The following CNTNAP2 variants were observed in gnomAD, a reference collection of about 807,000 sequenced individuals.
The protein encoded by CNTNAP2 is contactin associated protein 2.
In CNTNAP2, 98 loss-of-function variants were observed where a neutral mutation model predicts 155.2. That is an observed-to-expected ratio of 0.63 (90% CI 0.54 to 0.75). CNTNAP2 has a LOEUF of 0.75. Ranked by LOEUF, CNTNAP2 falls within the 30% of genes least tolerant of loss-of-function variation. CNTNAP2 has a pLI of 0.00. For missense variants in CNTNAP2, 1,727 were observed against 1,688.1 expected (o/e 1.02, Z -0.40); for synonymous variants, 651 against 631.2 (o/e 1.03, Z -0.47).
chr7:147,718,848 G>C (rs1796521194), intron 13 of CNTNAP2, among the ~76,000 whole-genome samples: 1 of 152,074 alleles, frequency 6.6e-6, no homozygotes, highest in South Asian at 2.1e-4. Context: ...ACATATGCTT[G>C]TTAACACATG....
intron 8 of CNTNAP2, among the ~76,000 whole-genome samples, chr7:147,269,897 T>A (rs1377586436): frequency 6.6e-6 from 1 of 152,152 alleles, no homozygotes; most frequent in African/African-American, 2.4e-5. Context: ...CTAAAAAATA[T>A]TTTTAAATTA....
Position 148,006,319 on chromosome 7 carries a change from T to TTA in CNTNAP2, c.2383+28331_2383+28332insAT, listed in dbSNP as rs1228424868. Among the ~76,000 whole-genome samples, 41 of 135,238 alleles carry TTA rather than the reference T, an allele frequency of 3.0e-4. No homozygotes were observed. In the East Asian group the frequency reaches 0.013, roughly 44 times the overall value. 88.7% of individuals were successfully genotyped at this position (135,238 alleles called of 152,430 possible). Reference sequence around the variant, plus strand: ...CCAATAAGCTTTATAGGAAGTTCTTTTTTTTTTTTTTTTTTTTTGAAACAG... The same window carrying TTA: ...CCAATAAGCTTTATAGGAAGTTCTTTTATTTTTTTTTTTTTTTTTTGAAACAG... On this transcript the variant is annotated intron_variant, in intron 15 of 23. Transcript: ENST00000361727.
At chr7:147,154,867 T>C (rs1027786792) in intron 8 of CNTNAP2, among the ~76,000 whole-genome samples, 1 of 151,908 alleles carries the variant, frequency 6.6e-6, no homozygotes, top group African/African-American at 2.4e-5. Flanking sequence ...CAAAAACATA[T>C]AGTTAGATTA....
intron 17 of CNTNAP2, among the ~76,000 whole-genome samples, chr7:148,165,769 A>G (rs79480468): frequency 0.024 from 3,591 of 152,118 alleles, 59 homozygotes; most frequent in Middle Eastern, 0.048. Flanking sequence ...CCATACATCA[A>G]ATTGTGCCTG....
At chr7:147,303,050 C>T (rs200362708) in intron 9 of CNTNAP2, among the ~76,000 whole-genome samples, 19 of 152,254 alleles carry the variant, frequency 1.2e-4, no homozygotes, top group African/African-American at 3.6e-4. Flanking sequence ...GCCTCCTCAG[C>T]GAATGACTGG....
At chr7:147,491,570 G>A (rs1040883357) in intron 11 of CNTNAP2, among the ~76,000 whole-genome samples, 2 of 152,162 alleles carry the variant, frequency 1.3e-5, no homozygotes, top group African/African-American at 4.8e-5. Context: ...CTGGCAGGAG[G>A]TGGTGCCACA....
At chr7:148,024,173 A>ACC (rs1554463584) in intron 15 of CNTNAP2, among the ~76,000 whole-genome samples, 1 of 147,888 alleles carries the variant, frequency 6.8e-6, no homozygotes, top group Admixed American at 6.9e-5. Flanking sequence ...AAAAAAAAAA[A>ACC]AAAAAACTTT....
At chr7:146,557,586 A>C (rs1437688190) in intron 1 of CNTNAP2, among the ~76,000 whole-genome samples, 2 of 152,082 alleles carry the variant, frequency 1.3e-5, no homozygotes, top group Non-Finnish European at 2.9e-5. Flanking sequence ...AATTCTCAGA[A>C]AGTTAAAAGC....
chr7:146,541,010 G>A (rs1008168313), intron 1 of CNTNAP2, among the ~76,000 whole-genome samples: 1 of 151,864 alleles, frequency 6.6e-6, no homozygotes, highest in South Asian at 2.1e-4. Context: ...CTGACTCTAA[G>A]AAACCTATAA....
chr7:148,415,959 T>TCTACGTTTTTAA lies in CNTNAP2; in HGVS notation c.*344_*355dup, dbSNP rs1026371817. ...AGACCCGTGGTAACAGGGCAAGTTT[T>TCTACGTTTTTAA]CTACGTTTTTAAGAGCCCTTAGAAC... is the stretch of plus-strand genomic sequence containing the variant. On this transcript the variant is annotated 3_prime_UTR_variant, in exon 24 of 24. Coordinates refer to ENST00000361727, the MANE Select transcript of CNTNAP2 (RefSeq NM_014141.6). 4 of 316,944 alleles carry TCTACGTTTTTAA rather than the reference T, an allele frequency of 1.3e-5. No individual in the cohort carries two copies. In the Admixed American group the frequency reaches 1.4e-4, roughly 11 times the overall value. 19.6% of individuals were successfully genotyped at this position (316,944 alleles called of 1,614,324 possible). A position where few individuals can be genotyped will look rare whatever the true frequency, so the allele number is the denominator to read the frequency against.
intron 1 of CNTNAP2, among the ~76,000 whole-genome samples, chr7:146,673,930 A>G (rs1010024077): frequency 6.6e-6 from 1 of 152,198 alleles, no homozygotes; most frequent in Non-Finnish European, 1.5e-5. Flanking sequence ...TTAGCCAGTC[A>G]GAGTGTGTCC....
intron 18 of CNTNAP2, among the ~76,000 whole-genome samples, chr7:148,176,220 T>G (rs1794933100): frequency 1.7e-5 from 1 of 60,222 alleles, no homozygotes; most frequent in Non-Finnish European, 3.7e-5. Context: ...TCTTTTTTTT[T>G]TTTTTTTTTT....
chr7:147,046,947 G>A (rs1799371327), intron 4 of CNTNAP2, among the ~76,000 whole-genome samples: 1 of 149,344 alleles, frequency 6.7e-6, no homozygotes, highest in South Asian at 2.1e-4. Context: ...CAGGAGAATG[G>A]CGTGAACCCG....
chr7:147,865,360 C>G (rs907974086), intron 13 of CNTNAP2, among the ~76,000 whole-genome samples: 1 of 152,058 alleles, frequency 6.6e-6, no homozygotes, highest in African/African-American at 2.4e-5. Context: ...CCCATCGATG[C>G]TTACCAGGGA....
chr7:146,891,166 C>T (rs539681129), intron 3 of CNTNAP2, among the ~76,000 whole-genome samples: 1 of 152,272 alleles, frequency 6.6e-6, no homozygotes, highest in South Asian at 2.1e-4. Context: ...ATACCATACA[C>T]TATCATTTAT....
chr7:147,297,960 T>C (rs1794870314), intron 8 of CNTNAP2, among the ~76,000 whole-genome samples: 1 of 152,246 alleles, frequency 6.6e-6, no homozygotes, highest in Admixed American at 6.5e-5. Context: ...CTGGATCATA[T>C]GGTAGACCAG....
intron 3 of CNTNAP2, among the ~76,000 whole-genome samples, chr7:147,015,049 A>G (rs752173642): frequency 2.0e-5 from 3 of 151,904 alleles, no homozygotes; most frequent in Admixed American, 6.6e-5. Flanking sequence ...GTTAACTTTA[A>G]TTGTGCTCAA....
chr7:147,770,596 A>T (rs1430350757), intron 13 of CNTNAP2, among the ~76,000 whole-genome samples: 1 of 152,184 alleles, frequency 6.6e-6, no homozygotes, highest in Non-Finnish European at 1.5e-5. Flanking sequence ...AGAAAATGAG[A>T]TTTTTTTAAA....
chr7:147,058,339 A>T (rs1563060564), intron 4 of CNTNAP2, among the ~76,000 whole-genome samples: 3 of 152,228 alleles, frequency 2.0e-5, no homozygotes, highest in Non-Finnish European at 4.4e-5. Flanking sequence ...GTCTGTTAGC[A>T]AAGTGTATTC....
Sources: gnomAD v4.1 joint callset for allele counts (sites outside exome capture counted in the v4.1 genomes callset) on GRCh38, gnomAD v4.1.1 for gene constraint, MANE v1.5 for transcripts, NCBI Gene and HGNC (gene_info 2026-07-23, HGNC 2026-07-21) for gene names.